LAMB3: variants seen among roughly 807,000 people sequenced by gnomAD.
LAMB3 encodes the protein laminin subunit beta-3.
In LAMB3, 104 loss-of-function variants were observed where a neutral mutation model predicts 140.3. The ratio of observed to expected loss-of-function variants is 0.74; its 90% CI spans 0.63 to 0.87. The LOEUF is 0.87. Ranked by LOEUF, LAMB3 falls within the 40% of genes least tolerant of loss-of-function variation. The pLI is 0.00. For synonymous variants in LAMB3, 592 were observed against 602.9 expected, an observed-to-expected ratio of 0.98 and a Z score of 0.26; for missense variants, 1,531 against 1,575.2, an observed-to-expected ratio of 0.97 and a Z score of 0.47.
At position 209,617,480 on chromosome 1, in the gene LAMB3, T is replaced by G; in HGVS notation, c.3158A>C (p.Gln1053Pro). 6.2e-7 allele frequency: 1 copy of G among 1,613,882 alleles called. No homozygotes were observed. Among genetic ancestry groups the G allele is most frequent in the Non-Finnish European group, 8.5e-7 (1 of 1,179,996 alleles). The change falls in exon 21 of 23, where the codon CAG (glutamine) becomes CCG (proline). Residue 1053 changes from glutamine (Q) to proline (P), a missense_variant. Physicochemically the swap from Gln to Pro is moderately conservative, Grantham distance 76 (BLOSUM62 -1). Coordinates refer to ENST00000356082, the MANE Select transcript of LAMB3 (RefSeq NM_000228.3). ...CTGGGCCTGGACTGCCTCTGCCCCC[T>G]GCTGCCGGGCTTGGTGGCGGAGCTC... ...MEELRHQARQ[Q>P]GAEAVQAQQL...
chr1:209,633,299 A>T (rs534116076), intron 6 of LAMB3, among the ~76,000 whole-genome samples, 166 bp from the exon 7 acceptor site: 54 of 152,256 alleles, frequency 3.5e-4, no homozygotes, highest in African/African-American at 1.2e-3. Context: ...TGGGGGAGAA[A>T]GATGATCACT....
At chr1:209,633,270 T>C in intron 6 of LAMB3, 137 bp from the exon 7 acceptor site, 1 of 730,940 alleles carries the variant, frequency 1.4e-6, no homozygotes, top group East Asian at 2.7e-5. Flanking sequence ...ACCATGGCTA[T>C]GAGGCTTGTC....
chr1:209,635,367 T>C (rs557419789), intron 5 of LAMB3, among the ~76,000 whole-genome samples: 349 of 152,062 alleles, frequency 2.3e-3, no homozygotes, highest in African/African-American at 7.9e-3. Flanking sequence ...CGTTCACTCT[T>C]ACTCAGTCAT....
chr1:209,629,205 C>A (rs1329929515), intron 10 of LAMB3, among the ~76,000 whole-genome samples: 1 of 152,206 alleles, frequency 6.6e-6, no homozygotes, highest in Non-Finnish European at 1.5e-5. Context: ...TAAGCTGCCT[C>A]TGCCTGTTGC....
intron 10 of LAMB3, among the ~76,000 whole-genome samples, chr1:209,629,166 T>C (rs1666585621): frequency 1.3e-5 from 2 of 152,178 alleles, no homozygotes; most frequent in Non-Finnish European, 2.9e-5. Flanking sequence ...CCCTCTCCTA[T>C]ATGAAGTCGC....
In LAMB3 at chr1:209,626,853, C is replaced by T. The variant is rs750002455; in HGVS notation, c.1597+14G>A. ...CCCCAGAGCCTCAGCGTCCCCCAGG[C>T]TTTGAGCATGCACCTCGGCATCCTG... On this transcript the variant is annotated intron_variant, in intron 13 of 22. Transcript: ENST00000356082. The T allele has an allele frequency of 2.5e-6, 4 of 1,605,540 alleles. No homozygotes were observed. Among genetic ancestry groups the T allele is most frequent in the East Asian group, 2.2e-5 (1 of 44,794 alleles).
At position 209,633,142 on chromosome 1, in the gene LAMB3, G is replaced by A. The variant is rs1322590004; in HGVS notation, c.565-9C>T. The stretch of plus-strand genomic sequence containing the variant: ...ATAAGGTTAAGTTGGACCTACAGAG[G>A]GAAGGGAAAGAGAAGCGCTGAAGAA... On this transcript the variant is annotated splice_polypyrimidine_tract_variant and intron_variant, in intron 6 of 22. Transcript: ENST00000356082. 3.1e-6 allele frequency: 5 copies of A among 1,605,188 alleles called. No homozygotes were observed. Among genetic ancestry groups the A allele is most frequent in the East Asian group, 2.2e-5 (1 of 44,844 alleles).
chr1:209,636,402 C>T lies in LAMB3; in HGVS notation c.372+1506G>A, dbSNP rs146150445. Among the ~76,000 whole-genome samples, 717 of 152,314 alleles carry T rather than the reference C, an allele frequency of 4.7e-3. 6 individuals are homozygous for T. Among genetic ancestry groups the T allele is most frequent in the African/African-American group, 0.016 (662 of 41,566 alleles). ...GGGGAGAGGAGAGGGCAAAACAGTG[C>T]CCCTGGTTGAGACTCAGTAAACCAG... is the stretch of plus-strand genomic sequence containing the variant. On this transcript the variant is annotated intron_variant, in intron 5 of 22. Transcript: ENST00000356082.
Position 209,617,947 on chromosome 1 carries a change from G to T in LAMB3, c.3011C>A (p.Thr1004Asn). The T allele has an allele frequency of 6.2e-7, 1 of 1,614,214 alleles. No individual in the cohort carries two copies. The highest frequency in any genetic ancestry group is 8.5e-7 in the Non-Finnish European group (1 of 1,180,052). ...LQEAQDTMQGTSRSLRLIQDR... is the reference protein window; with the variant it reads ...LQEAQDTMQGNSRSLRLIQDR... Reference sequence around the variant, plus strand: ...CTGGATAAGCCGAAGGGAGCGGCTGGTGCCTTGCATGGTGTCCTGAGCTTC... The same window carrying T: ...CTGGATAAGCCGAAGGGAGCGGCTGTTGCCTTGCATGGTGTCCTGAGCTTC... The change falls in exon 20 of 23, where the codon ACC (threonine) becomes AAC (asparagine). Residue 1004 changes from threonine (T) to asparagine (N), a missense_variant. By Grantham distance (65) the Thr-to-Asn change is moderately conservative. Coordinates refer to ENST00000356082, the MANE Select transcript of LAMB3 (RefSeq NM_000228.3).
intron 3 of LAMB3, among the ~76,000 whole-genome samples, chr1:209,638,956 T>C: frequency 7.2e-6 from 1 of 138,480 alleles, no homozygotes. Context: ...GCAGAGAAAC[T>C]TGAGAAAAGT....
intron 4 of LAMB3, 92 bp downstream of exon 4, chr1:209,638,442 C>A: frequency 1.2e-6 from 1 of 842,686 alleles, no homozygotes; most frequent in East Asian, 2.4e-5. Context: ...TAAGAAATGC[C>A]TGGGAAACCC....
chr1:209,650,771 C>A (rs541715655), intron 2 of LAMB3, 146 bp downstream of exon 2: 1 of 817,692 alleles, frequency 1.2e-6, no homozygotes, highest in East Asian at 2.4e-5. Flanking sequence ...GGAAATCTCA[C>A]AGGTGTCCCC....
At position 209,623,694 on chromosome 1, in the gene LAMB3, C is replaced by A; in HGVS notation, c.2169G>T (p.Glu723Asp). The A allele has an allele frequency of 6.2e-7, 1 of 1,614,122 alleles. No homozygotes were observed. The highest frequency in any genetic ancestry group is 8.5e-7 in the Non-Finnish European group (1 of 1,180,028). ...CCTGCTGAGCAGCCTGGGCTGACTG[C>A]TCGTAGGCTGTGCTCAGCATCCGGA... ...GAFRMLSTAY[E>D]QSAQAAQQVS... The change falls in exon 16 of 23, where the codon GAG becomes GAT. Residue 723 changes from glutamate (E) to aspartate (D), a missense_variant. Physicochemically the swap from Glu to Asp is conservative, Grantham distance 45 (BLOSUM62 2). Coordinates refer to ENST00000356082, the MANE Select transcript of LAMB3 (RefSeq NM_000228.3). This position sits in a 1 kb window ranked among gnomAD's most constrained non-coding sequence, Gnocchi z 4.2.
chr1:209,641,101 T>TAA (rs57763866), intron 3 of LAMB3, among the ~76,000 whole-genome samples: 130 of 130,862 alleles, frequency 9.9e-4, no homozygotes, highest in African/African-American at 1.1e-3. Flanking sequence ...AAAAAAAATT[T>TAA]AAAAAAAAAA....
chr1:209,649,925 C>G, intron 3 of LAMB3, 39 bp downstream of exon 3: 1 of 1,612,242 alleles, frequency 6.2e-7, no homozygotes, highest in South Asian at 1.1e-5. Context: ...CACACCCCTC[C>G]CATCCCGCCT....
chr1:209,625,289 G>A (rs1164700568), intron 14 of LAMB3, among the ~76,000 whole-genome samples: 1 of 152,156 alleles, frequency 6.6e-6, no homozygotes, highest in East Asian at 1.9e-4. Flanking sequence ...GTTATTTTTA[G>A]AGCCCCTGCC....
At chr1:209,616,449 T>C (rs373817988) in intron 22 of LAMB3, 22 bp downstream of exon 22, 11 of 1,613,842 alleles carry the variant, frequency 6.8e-6, no homozygotes, top group Non-Finnish European at 9.3e-6. Flanking sequence ...CAATAGTCCA[T>C]GCCCCTAAAC....
At chr1:209,625,560 G>A in intron 14 of LAMB3, 88 bp downstream of exon 14, 1 of 1,503,572 alleles carries the variant, frequency 6.7e-7, no homozygotes, top group Non-Finnish European at 9.3e-7. Flanking sequence ...GTAATGCACT[G>A]TACAAATGTA....
intron 10 of LAMB3, among the ~76,000 whole-genome samples, chr1:209,629,133 T>A (rs938547801): frequency 1.3e-5 from 2 of 152,216 alleles, no homozygotes; most frequent in Non-Finnish European, 2.9e-5. Flanking sequence ...CCTGCCCGAA[T>A]CTGATTGCTT....
Sources: gnomAD v4.1 joint callset for allele counts (sites outside exome capture counted in the v4.1 genomes callset) on GRCh38, gnomAD v4.1.1 for gene constraint, Gnocchi (gnomAD v3.1) non-coding constraint, MANE v1.5 for transcripts, NCBI Gene and HGNC (gene_info 2026-07-23, HGNC 2026-07-21) for gene names.